SLC22A17: variants seen among roughly 807,000 people sequenced by gnomAD.
SLC22A17 encodes 24p3 receptor.
In SLC22A17, 38 loss-of-function variants were observed where a neutral mutation model predicts 53.6. That is an observed-to-expected ratio of 0.71 (90% CI 0.55 to 0.93). The LOEUF is 0.93. SLC22A17 is among the 40% of genes least tolerant of loss of function. SLC22A17 has a pLI of 0.00. For missense variants in SLC22A17, 704 were observed against 791.0 expected, an observed-to-expected ratio of 0.89 and a Z score of 1.32; for synonymous variants, 379 against 353.0, an observed-to-expected ratio of 1.07 and a Z score of -0.82.
At position 23,347,469 on chromosome 14, in the gene SLC22A17, G is replaced by A; in HGVS notation, c.1540C>T (p.Pro514Ser). The A allele has an allele frequency of 6.2e-7, 1 of 1,613,762 alleles. No homozygotes were observed. The highest frequency in any genetic ancestry group is 8.5e-7 in the Non-Finnish European group (1 of 1,179,854). ...TGCCTGTCTGAAGCACCTCTGTTGG[G>A]GTTCCCTTGTTGAGCCCACACTGTG... The change falls in exon 8 of 10, where the codon CCC (proline) becomes TCC (serine). Residue 514 changes from proline to serine, a missense_variant. By Grantham distance (74) the Pro-to-Ser change is moderately conservative. Around this residue, in one of 4 missense-constraint regions of SLC22A17, gnomAD observed 435 missense variants for 529.0 expected, o/e 0.82. Transcript: ENST00000397267. This position sits in a 1 kb window ranked among gnomAD's most constrained non-coding sequence, Gnocchi z 5.1.
chr14:23,347,039 G>A lies in SLC22A17; in HGVS notation c.1661+62C>T, dbSNP rs1230523352. ...GCCCGCAGGCCCTGTCCTCAGGGGT[G>A]GGGTGGGGGAGCGGGAGGCGAGGGG... On this transcript the variant is annotated intron_variant, in intron 9 of 9. Transcript: ENST00000397267. The surrounding 1 kb of genome is among the most constrained non-coding windows in gnomAD (Gnocchi z 5.1). The A allele has an allele frequency of 2.0e-6, 3 of 1,532,060 alleles. No homozygotes were observed. The highest frequency in any genetic ancestry group is 2.6e-6 in the Non-Finnish European group (3 of 1,138,590). 94.9% of individuals were successfully genotyped at this position (1,532,060 alleles called of 1,614,324 possible).
exon 10 of SLC22A17, chr14:23,346,876 G>C: frequency 6.5e-7 from 1 of 1,538,352 alleles, no homozygotes; most frequent in Non-Finnish European, 8.7e-7. Context: ...GGAGGCGCTG[G>C]GCCGGGCCGC....
chr14:23,350,069 G>A (rs1363917402), intron 3 of SLC22A17, among the ~76,000 whole-genome samples: 3 of 152,148 alleles, frequency 2.0e-5, no homozygotes, highest in African/African-American at 7.2e-5. Flanking sequence ...ACTTTGGGAG[G>A]CCGAGGCTGG....
At chr14:23,349,896 A>G (rs1315199788) in intron 3 of SLC22A17, 2 of 176,052 alleles carry the variant, frequency 1.1e-5, no homozygotes, top group African/African-American at 2.4e-5. Flanking sequence ...CCACTTGTGC[A>G]TGAGGATACT....
In SLC22A17 at chr14:23,347,271, C is replaced by T; in HGVS notation, c.1550-59G>A. The T allele has an allele frequency of 6.6e-7, 1 of 1,523,540 alleles. No individual in the cohort carries two copies. The allele number at this position is 1,523,540 out of a possible 1,614,324, so 94.4% of individuals were successfully genotyped here. ...TGGGGAGGTCAAGGCTGGCCTAGTCCCGGGTGTCATCCCCTTGGCTCTCTG... is the reference window on the plus strand; with the variant it reads ...TGGGGAGGTCAAGGCTGGCCTAGTCTCGGGTGTCATCCCCTTGGCTCTCTG... On this transcript the variant is annotated intron_variant, in intron 8 of 9. Transcript: ENST00000397267. The surrounding 1 kb of genome is among the most constrained non-coding windows in gnomAD (Gnocchi z 5.1).
At position 23,352,340 on chromosome 14, in the gene SLC22A17, A is replaced by C; in HGVS notation, c.208T>G (p.Ser70Ala). The change falls in exon 2 of 10, where the codon TCG (serine) becomes GCG (alanine). Residue 70 changes from serine (S) to alanine (A), a missense_variant. By Grantham distance (99) the Ser-to-Ala change is moderately conservative. This residue lies in a region of SLC22A17 where 42 missense variants were observed against 28.2 expected (regional missense o/e 1.49). Transcript: ENST00000397267. The surrounding 1 kb of genome is among the most constrained non-coding windows in gnomAD (Gnocchi z 7.2). ...AGGGGGCCTGGGGGCACGGCCAGCG[A>C]CAGGCTGCTGCCCAGTCCGTCGCCG... 8.8e-7 allele frequency: 1 copy of C among 1,136,116 alleles called. No homozygotes were observed. The highest frequency in any genetic ancestry group is 3.1e-5 in the East Asian group (1 of 32,318). 70.4% of individuals were successfully genotyped at this position (1,136,116 alleles called of 1,614,324 possible).
intron 3 of SLC22A17, chr14:23,349,774 T>C (rs1760367533): frequency 6.4e-6 from 2 of 312,334 alleles, no homozygotes; most frequent in South Asian, 4.2e-5. Context: ...ACAGAGCTAA[T>C]GGTCAGTGGG....
chr14:23,348,910 T>A lies in SLC22A17; in HGVS notation c.860-239A>T, dbSNP rs1423002324. The stretch of plus-strand genomic sequence containing the variant: ...TAGGGCCAGAGTCCTGGGTGAGTGT[T>A]CAACATTTCCAATTTATAGGCCCTT... On this transcript the variant is annotated intron_variant, in intron 4 of 9. Coordinates refer to ENST00000397267, the Ensembl canonical transcript of SLC22A17. This position sits in a 1 kb window ranked among gnomAD's most constrained non-coding sequence, Gnocchi z 4.5. 8.3e-6 allele frequency: 5 copies of A among 599,512 alleles called. 1 individual carries two copies. In the South Asian group the frequency reaches 1.0e-4, roughly 12 times the overall value. The allele number at this position is 599,512 out of a possible 1,614,324, so 37.1% of individuals were successfully genotyped here. A position where few individuals can be genotyped will look rare whatever the true frequency, so the allele number is the denominator to read the frequency against.
chr14:23,347,274 G>T lies in SLC22A17; in HGVS notation c.1550-62C>A. The T allele has an allele frequency of 1.3e-6, 2 of 1,515,834 alleles. No homozygotes were observed. Among genetic ancestry groups the T allele is most frequent in the Non-Finnish European group, 1.8e-6 (2 of 1,112,200 alleles). The allele number at this position is 1,515,834 out of a possible 1,614,324, so 93.9% of individuals were successfully genotyped here. A position where few individuals can be genotyped will look rare whatever the true frequency, so the allele number is the denominator to read the frequency against. ...GGAGGTCAAGGCTGGCCTAGTCCCG[G>T]GTGTCATCCCCTTGGCTCTCTGTTC... is the stretch of plus-strand genomic sequence containing the variant. On this transcript the variant is annotated intron_variant, in intron 8 of 9. Coordinates refer to ENST00000397267, the Ensembl canonical transcript of SLC22A17. This position sits in a 1 kb window ranked among gnomAD's most constrained non-coding sequence, Gnocchi z 5.1.
At chr14:23,346,964 C>G (rs1043031671) in intron 9 of SLC22A17, 28 bp from the exon 10 acceptor site, 1 of 1,517,254 alleles carries the variant, frequency 6.6e-7, no homozygotes, top group Non-Finnish European at 8.8e-7. Flanking sequence ...AGGAGCTCAG[C>G]CCACAGCTGT....
Position 23,348,688 on chromosome 14 carries a change from G to C in SLC22A17, c.860-17C>G. ...GCTCCAGGCCTGGAGATACAGCAGGGGTGGAGAGAGGAGAGGGAGGCCAGG... is the reference window on the plus strand; with the variant it reads ...GCTCCAGGCCTGGAGATACAGCAGGCGTGGAGAGAGGAGAGGGAGGCCAGG... On this transcript the variant is annotated splice_polypyrimidine_tract_variant and intron_variant, in intron 4 of 9. Transcript: ENST00000397267. The surrounding 1 kb of genome is among the most constrained non-coding windows in gnomAD (Gnocchi z 4.5). The C allele has an allele frequency of 6.3e-7, 1 of 1,593,620 alleles. No individual in the cohort carries two copies. Among genetic ancestry groups the C allele is most frequent in the Middle Eastern group, 1.8e-4 (1 of 5,526 alleles).
At chr14:23,349,531 G>C in intron 3 of SLC22A17, 105 bp from the exon 4 acceptor site, 16 of 1,335,190 alleles carry the variant, frequency 1.2e-5, no homozygotes, top group Non-Finnish European at 1.5e-5. Flanking sequence ...TGAGAATGAA[G>C]TTCTGGGAGC....
chr14:23,346,663 G>T (rs1428677661), exon 10 of SLC22A17: 1 of 1,507,404 alleles, frequency 6.6e-7, no homozygotes, highest in African/African-American at 1.4e-5. Flanking sequence ...GGGCAGGGTT[G>T]GGGGTGGCAA....
In SLC22A17 at chr14:23,347,397, AG is replaced by A; in HGVS notation, c.1549+62del. 6.3e-7 allele frequency: 1 copy of A among 1,575,114 alleles called. No individual in the cohort carries two copies. Among genetic ancestry groups the A allele is most frequent in the East Asian group, 2.3e-5 (1 of 44,234 alleles). On this transcript the variant is annotated intron_variant, in intron 8 of 9. Transcript: ENST00000397267. This position sits in a 1 kb window ranked among gnomAD's most constrained non-coding sequence, Gnocchi z 5.1. ...GTGGAGGCTCGTGGAAGAGCTGGGCAGGGTCTGGGGCTTGTCTTGGGAGGCC... is the reference window on the plus strand; with the variant it reads ...GTGGAGGCTCGTGGAAGAGCTGGGCAGGTCTGGGGCTTGTCTTGGGAGGCC...
Position 23,347,866 on chromosome 14 carries a change from C to T in SLC22A17, c.1277+25G>A, listed in dbSNP as rs1295185184. ...CCCCCATTCCAGCTACTGGCCTGGC[C>T]CTCAGCCCAGACACCCAGGCTCACT... On this transcript the variant is annotated intron_variant, in intron 7 of 9. Coordinates refer to ENST00000397267, the Ensembl canonical transcript of SLC22A17. This position sits in a 1 kb window ranked among gnomAD's most constrained non-coding sequence, Gnocchi z 5.1. 1.2e-6 allele frequency: 2 copies of T among 1,613,350 alleles called. No homozygotes were observed. The highest frequency in any genetic ancestry group is 1.7e-6 in the Non-Finnish European group (2 of 1,179,444).
chr14:23,351,722 T>C lies in SLC22A17; in HGVS notation c.704+30A>G. On this transcript the variant is annotated intron_variant, in intron 3 of 9. Coordinates refer to ENST00000397267, the Ensembl canonical transcript of SLC22A17. ...AGCTTCCCTAGCACCCCCTCCTTTC[T>C]ACCAGCCCTGCCCCCACGACAGCCC... The C allele has an allele frequency of 2.5e-6, 4 of 1,585,972 alleles. No individual in the cohort carries two copies. The South Asian group carries it at 4.6e-5, about 18-fold the overall frequency.
intron 4 of SLC22A17, 59 bp downstream of exon 4, chr14:23,349,213 C>T (rs538745691): frequency 1.2e-5 from 19 of 1,600,860 alleles, no homozygotes; most frequent in South Asian, 2.2e-5. Context: ...GATGGCCTGG[C>T]GATGCAGGCA....
At chr14:23,349,694 T>A (rs137960455) in intron 3 of SLC22A17, 173 of 532,240 alleles carry the variant, frequency 3.3e-4, no homozygotes, top group African/African-American at 2.9e-3. Flanking sequence ...CACTTGTCAA[T>A]GGATGTGACA....
chr14:23,352,335 C>T lies in SLC22A17; in HGVS notation c.213G>A (p.Leu71=). Reference sequence around the variant, plus strand: ...AGCTGAGGGGGCCTGGGGGCACGGCCAGCGACAGGCTGCTGCCCAGTCCGT... The same window carrying T: ...AGCTGAGGGGGCCTGGGGGCACGGCTAGCGACAGGCTGCTGCCCAGTCCGT... The change falls in exon 2 of 10, where the codon CTG becomes CTA. Residue 71 remains leucine, a synonymous_variant. Transcript: ENST00000397267. This position sits in a 1 kb window ranked among gnomAD's most constrained non-coding sequence, Gnocchi z 7.2. The T allele has an allele frequency of 8.6e-7, 1 of 1,163,098 alleles. No individual in the cohort carries two copies. The highest frequency in any genetic ancestry group is 1.1e-6 in the Non-Finnish European group (1 of 878,894). 72.0% of individuals were successfully genotyped at this position (1,163,098 alleles called of 1,614,324 possible).
Sources: allele counts gnomAD v4.1 joint callset (sites outside exome capture counted in the v4.1 genomes callset), GRCh38; gene constraint gnomAD v4.1.1; regional missense constraint gnomAD v4.1.1; non-coding constraint Gnocchi (gnomAD v3.1); transcripts MANE v1.5; gene names NCBI Gene and HGNC (gene_info 2026-07-23, HGNC 2026-07-21).